The following ELFN1 variants were observed in gnomAD, a reference collection of about 807,000 sequenced individuals.
The protein encoded by ELFN1 is extracellular leucine rich repeat and fibronectin type III domain containing 1.
A neutral mutation model predicts 7.6 loss-of-function variants in ELFN1; 6 were observed. The ratio of observed to expected loss-of-function variants is 0.79; its 90% CI spans 0.43 to 1.56. The LOEUF is 1.56. Among genes scored for constraint, ELFN1 ranks in the 40% most tolerant of loss-of-function variants. The pLI, the probability that ELFN1 is intolerant of heterozygous loss-of-function variation, is 0.01. For missense variants in ELFN1, 1,169 were observed against 1,232.2 expected (o/e 0.95, Z 0.77); for synonymous variants, 657 against 588.1 (o/e 1.12, Z -1.70).
upstream of ELFN1, among the ~76,000 whole-genome samples, chr7:1,668,647 A>C (rs1179853384): frequency 6.6e-6 from 1 of 152,196 alleles, no homozygotes; most frequent in Non-Finnish European, 1.5e-5. Context: ...CCTCACAGAC[A>C]GGCAGGGAGG....
chr7:1,720,900 C>T (rs1399322799), intron 3 of ELFN1, among the ~76,000 whole-genome samples: 1 of 152,124 alleles, frequency 6.6e-6, no homozygotes, highest in Non-Finnish European at 1.5e-5. Flanking sequence ...AGAGGCAGCC[C>T]CACACCCATC....
intron 1 of ELFN1, among the ~76,000 whole-genome samples, chr7:1,679,968 C>T (rs1173152737): frequency 6.6e-6 from 1 of 152,210 alleles, no homozygotes; most frequent in Non-Finnish European, 1.5e-5. Flanking sequence ...CAGAAGGGGG[C>T]GCGTGTGCCC....
In ELFN1 at chr7:1,673,420, A is replaced by C. The variant is rs1230584117; in HGVS notation, c.-549+3066A>C. On this transcript the variant is annotated intron_variant, in intron 1 of 3. Coordinates refer to ENST00000424383, the MANE Select transcript of ELFN1 (RefSeq NM_001128636.4). This position sits in a 1 kb window ranked among gnomAD's most constrained non-coding sequence, Gnocchi z 4.7. ...CACCCCTGTGCACCCTGAGCCAGTC[A>C]GTGGCACCGACAGTAAACAGGAAGC... Among the ~76,000 whole-genome samples, 1 of 152,150 alleles carries C rather than the reference A, an allele frequency of 6.6e-6. No homozygotes were observed. Among genetic ancestry groups the C allele is most frequent in the African/African-American group, 2.4e-5 (1 of 41,438 alleles).
chr7:1,709,079 G>C lies in ELFN1; in HGVS notation c.-455-12G>C, dbSNP rs1394462239. On this transcript the variant is annotated splice_polypyrimidine_tract_variant and intron_variant, in intron 2 of 3. Coordinates refer to ENST00000424383, the MANE Select transcript of ELFN1 (RefSeq NM_001128636.4). ...ATCTCTCCTCAACCTCCTCCCCTCTGTCTCTGTGCAGGTGCAGCTGCCTTG... is the reference window on the plus strand; with the variant it reads ...ATCTCTCCTCAACCTCCTCCCCTCTCTCTCTGTGCAGGTGCAGCTGCCTTG... The C allele has an allele frequency of 1.3e-5, 2 of 152,250 alleles. No homozygotes were observed. Among genetic ancestry groups the C allele is most frequent in the African/African-American group, 4.8e-5 (2 of 41,450 alleles). The allele number at this position is 152,250 out of a possible 1,614,324, so 9.4% of individuals were successfully genotyped here.
intron 3 of ELFN1, among the ~76,000 whole-genome samples, chr7:1,723,655 C>T (rs1044837217): frequency 1.3e-5 from 2 of 152,234 alleles, no homozygotes; most frequent in Non-Finnish European, 2.9e-5. Context: ...GGGCTGTGCC[C>T]CGGCCTGGGG....
chr7:1,693,265 A>G, intron 2 of ELFN1: 1 of 442,204 alleles, frequency 2.3e-6, no homozygotes, highest in Non-Finnish European at 4.8e-6. Context: ...GGGGTTAGGA[A>G]GAGAGGATGT....
intron 3 of ELFN1, among the ~76,000 whole-genome samples, chr7:1,718,918 G>A (rs916739329): frequency 1.3e-5 from 2 of 152,124 alleles, no homozygotes; most frequent in African/African-American, 4.8e-5. Flanking sequence ...TCACCTCCGC[G>A]GAGCCACACT....
At chr7:1,713,745 C>G (rs1028152012) in intron 3 of ELFN1, among the ~76,000 whole-genome samples, 3 of 152,182 alleles carry the variant, frequency 2.0e-5, no homozygotes, top group Admixed American at 1.3e-4. Flanking sequence ...GTTTCCCTCT[C>G]TGGGGAGGGG....
chr7:1,730,599 G>A (rs147480169), intron 3 of ELFN1, among the ~76,000 whole-genome samples: 293 of 152,300 alleles, frequency 1.9e-3, no homozygotes, highest in Non-Finnish European at 3.1e-3. Context: ...TCATAATGAC[G>A]AAAGGCATTT....
chr7:1,725,328 G>A (rs1780157676), intron 3 of ELFN1, among the ~76,000 whole-genome samples: 1 of 152,214 alleles, frequency 6.6e-6, no homozygotes, highest in Admixed American at 6.5e-5. Context: ...CAGCTGGCGG[G>A]GGCCCTGGTG....
chr7:1,729,578 G>A (rs1446223971), intron 3 of ELFN1, among the ~76,000 whole-genome samples: 1 of 152,220 alleles, frequency 6.6e-6, no homozygotes, highest in Non-Finnish European at 1.5e-5. Context: ...CTGTGCCCAG[G>A]ACGGACACGG....
In ELFN1 at chr7:1,695,747, CAAAAAAAA is replaced by C. The variant is rs34132549; in HGVS notation, c.-456+7615_-456+7622del. Among the ~76,000 whole-genome samples, 1 of 59,210 alleles carries C rather than the reference CAAAAAAAA, an allele frequency of 1.7e-5. No individual in the cohort carries two copies. Among genetic ancestry groups the C allele is most frequent in the East Asian group, 5.2e-4 (1 of 1,906 alleles). 38.8% of individuals were successfully genotyped at this position (59,210 alleles called of 152,430 possible). A position where few individuals can be genotyped will look rare whatever the true frequency, so the allele number is the denominator to read the frequency against. On this transcript the variant is annotated intron_variant, in intron 2 of 3. Transcript: ENST00000424383. This position sits in a 1 kb window ranked among gnomAD's most constrained non-coding sequence, Gnocchi z 5.1. ...TGGGTGACAGAGCGAGACTCCGTGT[CAAAAAAAA>C]AAAAAAAAAAAAAAAAACCGTGCTG...
At chr7:1,710,976 T>C (rs1364285938) in intron 3 of ELFN1, among the ~76,000 whole-genome samples, 2 of 152,140 alleles carry the variant, frequency 1.3e-5, no homozygotes, top group African/African-American at 4.8e-5. Flanking sequence ...AGGTCCCAGG[T>C]GTTCCAGGCC....
chr7:1,732,469 G>C (rs1020701201), intron 3 of ELFN1, among the ~76,000 whole-genome samples: 5 of 152,168 alleles, frequency 3.3e-5, no homozygotes, highest in African/African-American at 1.2e-4. Context: ...GGTGGAGATG[G>C]AGCACCAGAA....
chr7:1,744,210 A>C, intron 3 of ELFN1, 94 bp from the exon 4 acceptor site: 1 of 243,608 alleles, frequency 4.1e-6, no homozygotes, highest in Non-Finnish European at 7.7e-6. Flanking sequence ...GACTCAGGCC[A>C]CATTGGGATG....
chr7:1,735,251 C>G lies in ELFN1; in HGVS notation c.-293-9053C>G, dbSNP rs1214970062. ...TGCACACTTGTAGGGTGTTCCTGCT[C>G]TTGGGGGCAGGGCAGGGGGAGCCCT... On this transcript the variant is annotated intron_variant, in intron 3 of 3. Transcript: ENST00000424383. This position sits in a 1 kb window ranked among gnomAD's most constrained non-coding sequence, Gnocchi z 5.9. Among the ~76,000 whole-genome samples the G allele has an allele frequency of 6.6e-6, 1 of 152,186 alleles. No individual in the cohort carries two copies. The highest frequency in any genetic ancestry group is 1.5e-5 in the Non-Finnish European group (1 of 68,020).
At chr7:1,701,281 G>C in intron 2 of ELFN1, among the ~76,000 whole-genome samples, 1 of 152,050 alleles carries the variant, frequency 6.6e-6, no homozygotes, top group East Asian at 1.9e-4. Flanking sequence ...GACCTCCCTG[G>C]CTCAAATGAT....
At position 1,744,288 on chromosome 7, in the gene ELFN1, C is replaced by T. The variant is rs1018958752; in HGVS notation, c.-293-16C>T. The T allele has an allele frequency of 1.8e-4, 56 of 316,400 alleles. No homozygotes were observed. The highest frequency in any genetic ancestry group is 1.3e-3 in the African/African-American group (50 of 38,786). The allele number at this position is 316,400 out of a possible 1,614,324, so 19.6% of individuals were successfully genotyped here. ...TCTCTTGTCCCCTGACCGCTGTCTT[C>T]TCTCTTGTCTTGCAGCAGGAACGTC... On this transcript the variant is annotated splice_polypyrimidine_tract_variant and intron_variant, in intron 3 of 3. Coordinates refer to ENST00000424383, the MANE Select transcript of ELFN1 (RefSeq NM_001128636.4).
chr7:1,742,572 C>T (rs927575189), intron 3 of ELFN1, among the ~76,000 whole-genome samples: 1 of 152,214 alleles, frequency 6.6e-6, no homozygotes, highest in Non-Finnish European at 1.5e-5. Flanking sequence ...GATTTCACAT[C>T]CAACCGGACC....
Sources: gnomAD v4.1 joint callset for allele counts (sites outside exome capture counted in the v4.1 genomes callset) on GRCh38, gnomAD v4.1.1 for gene constraint, Gnocchi (gnomAD v3.1) non-coding constraint, MANE v1.5 for transcripts, NCBI Gene and HGNC (gene_info 2026-07-23, HGNC 2026-07-21) for gene names.